Variants in DYNC2H1 observed in about 807,000 individuals in gnomAD.
DYNC2H1 encodes cytoplasmic dynein 2 heavy chain 1.
In DYNC2H1, 410 loss-of-function variants were observed where a neutral mutation model predicts 570.0. The ratio of observed to expected loss-of-function variants is 0.72; its 90% CI spans 0.66 to 0.78. The LOEUF (loss-of-function observed/expected upper bound fraction) is 0.78, where lower values mean the gene tolerates loss of function less well. DYNC2H1 is among the 30% of genes least tolerant of loss of function. The probability of loss-of-function intolerance (pLI) is 0.00; values close to 1 mark genes in which losing one functional copy is unlikely to be tolerated. For synonymous variants in DYNC2H1, 1,688 were observed against 1,677.6 expected (o/e 1.01, Z -0.15); for missense variants, 4,865 against 5,046.4 (o/e 0.96, Z 1.09).
chr11:103,354,675 C>CA (rs5794227), intron 82 of DYNC2H1, among the ~76,000 whole-genome samples: 5 of 151,974 alleles, frequency 3.3e-5, no homozygotes, highest in Admixed American at 1.3e-4. Flanking sequence ...TATATTTTCT[C>CA]AAAAAATAAT....
At chr11:103,139,553 A>T (rs1036684772) in intron 17 of DYNC2H1, among the ~76,000 whole-genome samples, 2 of 151,070 alleles carry the variant, frequency 1.3e-5, no homozygotes, top group African/African-American at 4.8e-5. Flanking sequence ...CCTGAGTTCT[A>T]GTTTGATTGC....
intron 75 of DYNC2H1, among the ~76,000 whole-genome samples, chr11:103,290,806 A>G (rs1424403383): frequency 1.3e-5 from 2 of 152,116 alleles, no homozygotes; most frequent in Non-Finnish European, 2.9e-5. Flanking sequence ...AGGGTTCATA[A>G]TATTCTGGTT....
intron 60 of DYNC2H1, among the ~76,000 whole-genome samples, 155 bp from the exon 61 acceptor site, chr11:103,233,879 G>GT (rs1591449500): frequency 2.2e-5 from 1 of 45,108 alleles, no homozygotes; most frequent in East Asian, 4.2e-4. Context: ...TGTGTGTGTG[G>GT]GTTTGTCTCT....
rs1335100386 is a variant in DYNC2H1, at chr11:103,244,054, A to G, written c.9918+263A>G. On this transcript the variant is annotated intron_variant, in intron 64 of 88. Coordinates refer to ENST00000375735, the MANE Select transcript of DYNC2H1 (RefSeq NM_001377.3). This position sits in a 1 kb window ranked among gnomAD's most constrained non-coding sequence, Gnocchi z 4.3. ...TAAAGATGACAGTCTAGTAGGTTAG[A>G]GAAACAATTAAAGAAGCTTTGCACT... Among the ~76,000 whole-genome samples, 1 of 152,158 alleles carries G rather than the reference A, an allele frequency of 6.6e-6. No individual in the cohort carries two copies. Among genetic ancestry groups the G allele is most frequent in the Non-Finnish European group, 1.5e-5 (1 of 67,996 alleles).
chr11:103,299,316 G>A lies in DYNC2H1; in HGVS notation c.11096-3777G>A, dbSNP rs748043219. On this transcript the variant is annotated intron_variant, in intron 75 of 88. Coordinates refer to ENST00000375735, the MANE Select transcript of DYNC2H1 (RefSeq NM_001377.3). The surrounding 1 kb of genome is among the most constrained non-coding windows in gnomAD (Gnocchi z 4.5). ...AAAAGAAAGAAAGACATAAGGATAT[G>A]TGCATTCATTTTCTGTTGCTGCTAG... Among the ~76,000 whole-genome samples the A allele has an allele frequency of 7.8e-4, 119 of 152,206 alleles. 3 individuals are homozygous for A. Among genetic ancestry groups the A allele is most frequent in the East Asian group, 7.7e-4 (4 of 5,186 alleles).
At chr11:103,253,142 G>GT (rs1864904187) in intron 65 of DYNC2H1, 143 bp from the exon 66 acceptor site, 1 of 636,316 alleles carries the variant, frequency 1.6e-6, no homozygotes, top group Non-Finnish European at 2.6e-6. Context: ...TCTGCTAATA[G>GT]TATCTCAGGT....
chr11:103,361,825 T>C (rs1940658132), intron 83 of DYNC2H1, among the ~76,000 whole-genome samples: 1 of 152,170 alleles, frequency 6.6e-6, no homozygotes, highest in South Asian at 2.1e-4. Context: ...TGTGTTACCA[T>C]AGAAACCTTG....
intron 75 of DYNC2H1, among the ~76,000 whole-genome samples, chr11:103,298,629 C>T (rs1866931514): frequency 6.6e-6 from 1 of 151,998 alleles, no homozygotes; most frequent in African/African-American, 2.4e-5. Flanking sequence ...GGTCAGGTAG[C>T]TTTATTAAAT....
chr11:103,190,142 T>G (rs1862236057), intron 45 of DYNC2H1, among the ~76,000 whole-genome samples: 2 of 152,222 alleles, frequency 1.3e-5, no homozygotes, highest in Non-Finnish European at 2.9e-5. Flanking sequence ...TCTATCAGTT[T>G]GTGTCTTCCA....
In DYNC2H1 at chr11:103,326,486, G is replaced by A. The variant is rs1002098960; in HGVS notation, c.12039+2496G>A. 6.6e-6 allele frequency among the ~76,000 whole-genome samples: 1 copy of A among 152,180 alleles called. No homozygotes were observed. Among genetic ancestry groups the A allele is most frequent in the African/African-American group, 2.4e-5 (1 of 41,444 alleles). On this transcript the variant is annotated intron_variant, in intron 82 of 88. Coordinates refer to ENST00000375735, the MANE Select transcript of DYNC2H1 (RefSeq NM_001377.3). This position sits in a 1 kb window ranked among gnomAD's most constrained non-coding sequence, Gnocchi z 6.1. ...GTCCCACCCCTCTCAGTGATCTGAG[G>A]GTGGGCGCTTCTCCCCAGCTCCAGT...
chr11:103,335,832 A>T (rs1228486504), intron 82 of DYNC2H1, among the ~76,000 whole-genome samples: 1 of 152,154 alleles, frequency 6.6e-6, no homozygotes, highest in African/African-American at 2.4e-5. Flanking sequence ...TATGTGAATT[A>T]TCTCACTTAA....
At chr11:103,336,397 C>T (rs1342727774) in intron 82 of DYNC2H1, among the ~76,000 whole-genome samples, 1 of 152,102 alleles carries the variant, frequency 6.6e-6, no homozygotes, top group East Asian at 1.9e-4. Context: ...TTACTACTAT[C>T]TAACTGTATT....
chr11:103,387,024 G>A (rs10895415), intron 83 of DYNC2H1, among the ~76,000 whole-genome samples: 68,426 of 151,236 alleles, frequency 0.45, 16,612 homozygotes, highest in Non-Finnish European at 0.55. Context: ...CCAGTAATGG[G>A]ATGGCTGGGT....
intron 65 of DYNC2H1, among the ~76,000 whole-genome samples, chr11:103,250,449 C>G (rs1417308258): frequency 6.6e-6 from 1 of 151,996 alleles, no homozygotes; most frequent in Admixed American, 6.6e-5. Flanking sequence ...ATCACGTCAC[C>G]CAGATAGTGG....
intron 85 of DYNC2H1, among the ~76,000 whole-genome samples, chr11:103,452,469 G>A (rs1565611522): frequency 6.6e-6 from 1 of 151,552 alleles, no homozygotes; most frequent in African/African-American, 2.4e-5. Context: ...ATTGCTTATA[G>A]CCAATAGGAT....
chr11:103,420,525 A>T (rs1349698172), intron 84 of DYNC2H1, among the ~76,000 whole-genome samples: 1 of 152,166 alleles, frequency 6.6e-6, no homozygotes, highest in Non-Finnish European at 1.5e-5. Context: ...CTAACAATAG[A>T]TCTCTCAGCA....
At position 103,243,652 on chromosome 11, in the gene DYNC2H1, TA is replaced by T; in HGVS notation, c.9820-39del. 1 of 1,381,994 alleles carries T rather than the reference TA, an allele frequency of 7.2e-7. No individual in the cohort carries two copies. The highest frequency in any genetic ancestry group is 1.0e-6 in the Non-Finnish European group (1 of 999,538). 85.6% of individuals were successfully genotyped at this position (1,381,994 alleles called of 1,614,324 possible). ...CTATTTCCATTTAAATGAAAGCTTA[TA>T]ATCATTAAAAAACATTACTTTTCCT... On this transcript the variant is annotated intron_variant, in intron 63 of 88. Transcript: ENST00000375735. This position sits in a 1 kb window ranked among gnomAD's most constrained non-coding sequence, Gnocchi z 4.8.
rs753355417 is a variant in DYNC2H1 at position 103,155,363 on chromosome 11, G to A, written c.3606G>A (p.Gly1202=). ...IVIPILKYVR[G]EHLSPDHWLD... is the part of the protein sequence containing the mutation. The stretch of plus-strand genomic sequence containing the variant: ...TTCCTATCTTGAAATATGTGAGAGG[G>A]GAGCATCTTTCTCCAGATCACTGGC... The change falls in exon 25 of 89, where the codon GGG becomes GGA. Residue 1202 remains glycine (G), a synonymous_variant. Coordinates refer to ENST00000375735, the MANE Select transcript of DYNC2H1 (RefSeq NM_001377.3). The A allele has an allele frequency of 1.9e-6, 3 of 1,609,310 alleles. No individual in the cohort carries two copies. In the South Asian group the frequency reaches 3.3e-5, roughly 18 times the overall value.
intron 82 of DYNC2H1, among the ~76,000 whole-genome samples, chr11:103,336,677 T>C (rs1442022276): frequency 2.0e-5 from 3 of 152,240 alleles, no homozygotes; most frequent in Admixed American, 1.3e-4. Context: ...ATTGTTTATG[T>C]GTACCATATT....
Sources: gnomAD v4.1 joint callset for allele counts (sites outside exome capture counted in the v4.1 genomes callset) on GRCh38, gnomAD v4.1.1 for gene constraint, Gnocchi (gnomAD v3.1) non-coding constraint, MANE v1.5 for transcripts, NCBI Gene and HGNC (gene_info 2026-07-23, HGNC 2026-07-21) for gene names.